Variants in ABHD17C observed in about 807,000 individuals in gnomAD.
The protein encoded by ABHD17C is abhydrolase domain containing 17C, depalmitoylase, also known as alpha/beta hydrolase domain-containing protein 17C.
In ABHD17C, 11 loss-of-function variants were observed where a neutral mutation model predicts 27.9. The observed-to-expected ratio is 0.39, with a 90% CI of 0.25 to 0.65. ABHD17C has a LOEUF of 0.65. ABHD17C is among the 30% of genes least tolerant of loss of function. The probability of loss-of-function intolerance (pLI) is 0.45; values close to 1 mark genes in which losing one functional copy is unlikely to be tolerated. For synonymous variants in ABHD17C, 233 were observed against 209.1 expected, an observed-to-expected ratio of 1.11 and a Z score of -0.98; for missense variants, 280 against 470.2, an observed-to-expected ratio of 0.60 and a Z score of 3.74.
rs1895412852 is a variant in ABHD17C at position 80,754,839 on chromosome 15, T to G, written c.*469T>G. 1 of 154,670 alleles carries G rather than the reference T, an allele frequency of 6.5e-6. No individual in the cohort carries two copies. Among genetic ancestry groups the G allele is most frequent in the Admixed American group, 6.4e-5 (1 of 15,704 alleles). 9.6% of individuals were successfully genotyped at this position (154,670 alleles called of 1,614,324 possible). ...GAAAGCTAGTGTGGTGAAAATTCCT[T>G]TATTATTTTTTGTTAACATGCTGAT... On this transcript the variant is annotated 3_prime_UTR_variant, in exon 3 of 3. Transcript: ENST00000258884.
intron 1 of ABHD17C, among the ~76,000 whole-genome samples, chr15:80,709,775 A>T (rs1894705730): frequency 1.3e-5 from 2 of 152,234 alleles, no homozygotes; most frequent in South Asian, 4.2e-4. Flanking sequence ...GTACCTCGTG[A>T]TCACCTGGAA....
At chr15:80,738,191 A>T (rs927669687) in intron 1 of ABHD17C, among the ~76,000 whole-genome samples, 1 of 152,234 alleles carries the variant, frequency 6.6e-6, no homozygotes, top group South Asian at 2.1e-4. Context: ...ATCAGAGTGT[A>T]TGCTGTTAGC....
chr15:80,698,194 A>G (rs1001753658), intron 1 of ABHD17C, among the ~76,000 whole-genome samples: 2 of 150,900 alleles, frequency 1.3e-5, no homozygotes, highest in African/African-American at 4.9e-5. Flanking sequence ...CCTCCCGAGT[A>G]GCTGGGACTA....
At chr15:80,732,577 G>A (rs189804280) in intron 1 of ABHD17C, among the ~76,000 whole-genome samples, 1 of 152,092 alleles carries the variant, frequency 6.6e-6, no homozygotes, top group Non-Finnish European at 1.5e-5. Context: ...AGGACGGGGT[G>A]GGGGGATAGA....
intron 1 of ABHD17C, among the ~76,000 whole-genome samples, chr15:80,706,728 G>A (rs1387160586): frequency 6.6e-6 from 1 of 152,190 alleles, no homozygotes. Context: ...CCTGTGCAGT[G>A]ATGATTATAT....
At chr15:80,709,832 C>G (rs138118356) in intron 1 of ABHD17C, among the ~76,000 whole-genome samples, 63 of 152,170 alleles carry the variant, frequency 4.1e-4, no homozygotes, top group Non-Finnish European at 6.5e-4. Flanking sequence ...CTTTCTGACA[C>G]ACCTAATATC....
At chr15:80,736,215 T>C (rs946729808) in intron 1 of ABHD17C, among the ~76,000 whole-genome samples, 16 of 152,262 alleles carry the variant, frequency 1.1e-4, no homozygotes, top group African/African-American at 3.9e-4. Context: ...GAAGTCTGTT[T>C]GTGAAATTTT....
In ABHD17C at chr15:80,741,953, C is replaced by A. The variant is rs139860206; in HGVS notation, c.591-7560C>A. On this transcript the variant is annotated intron_variant, in intron 1 of 2. Coordinates refer to ENST00000258884, the MANE Select transcript of ABHD17C (RefSeq NM_021214.2). ...GGTAGTGTAGACTCTGTATGCTGGA[C>A]AAAGGGAGGGTTCACATCCCAGGTG... 3.7e-3 allele frequency among the ~76,000 whole-genome samples: 568 copies of A among 152,178 alleles called. 1 individual carries two copies. The highest frequency in any genetic ancestry group is 6.3e-3 in the Non-Finnish European group (428 of 68,010).
intron 2 of ABHD17C, 102 bp from the exon 3 acceptor site, chr15:80,754,049 C>A: frequency 3.2e-6 from 3 of 940,420 alleles, no homozygotes; most frequent in African/African-American, 1.7e-5. Context: ...TGTTATTTCC[C>A]TGCCTGTGGA....
intron 1 of ABHD17C, among the ~76,000 whole-genome samples, chr15:80,714,189 C>T (rs147641418): frequency 3.0e-4 from 45 of 152,210 alleles, no homozygotes; most frequent in African/African-American, 1.1e-3. Flanking sequence ...TTTCTGGGCT[C>T]GAGCAGTCTG....
chr15:80,754,024 A>C (rs1442497558), intron 2 of ABHD17C, 127 bp from the exon 3 acceptor site: 1 of 777,442 alleles, frequency 1.3e-6, no homozygotes, highest in Non-Finnish European at 2.1e-6. Context: ...CAAAACAAAC[A>C]AAAAAAACCC....
chr15:80,733,960 ATTAT>A (rs139005879), intron 1 of ABHD17C, among the ~76,000 whole-genome samples: 17,761 of 144,434 alleles, frequency 0.12, 1,210 homozygotes, highest in Middle Eastern at 0.19. Context: ...ATTTTATTTT[ATTAT>A]TTATTTATTT....
chr15:80,696,780 G>A (rs549581441), intron 1 of ABHD17C, among the ~76,000 whole-genome samples: 3 of 152,288 alleles, frequency 2.0e-5, no homozygotes, highest in Admixed American at 1.3e-4. Flanking sequence ...CTGGGGGCAT[G>A]GTTTAGGGGT....
chr15:80,714,358 A>G (rs1439455258), intron 1 of ABHD17C, among the ~76,000 whole-genome samples: 5 of 152,224 alleles, frequency 3.3e-5, no homozygotes, highest in African/African-American at 9.7e-5. Flanking sequence ...CACACATTAC[A>G]TAATTTTAAT....
At chr15:80,709,475 C>T (rs1158859439) in intron 1 of ABHD17C, among the ~76,000 whole-genome samples, 3 of 145,386 alleles carry the variant, frequency 2.1e-5, no homozygotes, top group South Asian at 2.2e-4. Flanking sequence ...GGCAACAAAG[C>T]GAGACTCTGT....
chr15:80,698,143 T>C (rs887116600), intron 1 of ABHD17C, among the ~76,000 whole-genome samples: 42 of 147,746 alleles, frequency 2.8e-4, no homozygotes, highest in African/African-American at 8.7e-4. Flanking sequence ...TGGCTCACTG[T>C]AAGCTCCACC....
intron 1 of ABHD17C, 22 bp from the exon 2 acceptor site, chr15:80,749,491 A>C (rs751207579): frequency 6.2e-7 from 1 of 1,611,368 alleles, no homozygotes; most frequent in East Asian, 2.2e-5. Context: ...AGCTAATGGC[A>C]TACAACCTCT....
intron 1 of ABHD17C, among the ~76,000 whole-genome samples, chr15:80,710,842 G>T (rs1451613794): frequency 6.6e-6 from 1 of 152,078 alleles, no homozygotes; most frequent in African/African-American, 2.4e-5. Flanking sequence ...CTCCCTAAGT[G>T]CTGGGATTAC....
intron 1 of ABHD17C, among the ~76,000 whole-genome samples, chr15:80,718,249 A>ATT (rs11368250): frequency 3.3e-5 from 5 of 150,074 alleles, no homozygotes; most frequent in African/African-American, 9.8e-5. Flanking sequence ...CTTGTAGTTT[A>ATT]TTTTTTTTTT....
Sources: gnomAD v4.1 joint callset for allele counts (sites outside exome capture counted in the v4.1 genomes callset) on GRCh38, gnomAD v4.1.1 for gene constraint, MANE v1.5 for transcripts, NCBI Gene and HGNC (gene_info 2026-07-23, HGNC 2026-07-21) for gene names.